The following ILDR2 variants were observed in gnomAD, a reference collection of about 807,000 sequenced individuals.
The protein encoded by ILDR2 is immunoglobulin-like domain-containing receptor 2.
In ILDR2, 25 loss-of-function variants were observed where a neutral mutation model predicts 66.8. That is an observed-to-expected ratio of 0.37 (90% CI 0.27 to 0.52). The LOEUF (loss-of-function observed/expected upper bound fraction) is 0.52, where lower values mean the gene tolerates loss of function less well. Ranked by LOEUF, ILDR2 falls within the 20% of genes least tolerant of loss-of-function variation. The pLI, the probability that ILDR2 is intolerant of heterozygous loss-of-function variation, is 0.88. For missense variants in ILDR2, 827 were observed against 876.8 expected, an observed-to-expected ratio of 0.94 and a Z score of 0.72; for synonymous variants, 367 against 357.2, an observed-to-expected ratio of 1.03 and a Z score of -0.31.
rs565748759 is a variant in ILDR2, at chr1:166,933,175, G to C, written c.880+2126C>G. On this transcript the variant is annotated intron_variant, in intron 6 of 9. Transcript: ENST00000271417. ...AAAGTAAATAGTTGTTTAGGCCTAA[G>C]AGGTGCATCTTGAGTAGTTCAAGCC... is the stretch of plus-strand genomic sequence containing the variant. Among the ~76,000 whole-genome samples the C allele has an allele frequency of 2.6e-5, 4 of 152,380 alleles. No homozygotes were observed. In the South Asian group the frequency reaches 8.3e-4, roughly 32 times the overall value.
At position 166,909,782 on chromosome 1, in the gene ILDR2, T is replaced by C. The variant is rs1370500923; in HGVS notation, c.*9573A>G. ...ATAAATATATATAAATATATATATT[T>C]ATATATATATATATATATATATATC... On this transcript the variant is annotated 3_prime_UTR_variant, in exon 10 of 10. Transcript: ENST00000271417. The C allele has an allele frequency of 5.6e-5, 1 of 17,882 alleles. No individual in the cohort carries two copies. Among genetic ancestry groups the C allele is most frequent in the Non-Finnish European group, 9.0e-5 (1 of 11,114 alleles). The allele number at this position is 17,882 out of a possible 1,614,324, so 1.1% of individuals were successfully genotyped here.
At chr1:166,899,129 C>T (rs759359606) in intron 2 of ILDR2, among the ~76,000 whole-genome samples, 7 of 151,996 alleles carry the variant, frequency 4.6e-5, no homozygotes, top group Non-Finnish European at 7.4e-5. Context: ...CAATGGCTCA[C>T]GCCTGTAATC....
intron 2 of ILDR2, among the ~76,000 whole-genome samples, chr1:166,902,218 C>T (rs1250525761): frequency 6.6e-6 from 1 of 152,204 alleles, no homozygotes; most frequent in Non-Finnish European, 1.5e-5. Context: ...CCTGGACCTC[C>T]TCTGTCTGCC....
Position 166,909,783 on chromosome 1 carries a change from ATAT to A in ILDR2, c.*9569_*9571del, listed in dbSNP as rs1557921400. ...TAAATATATATAAATATATATATTT[ATAT>A]ATATATATATATATATATATCCTTC... On this transcript the variant is annotated 3_prime_UTR_variant, in exon 10 of 10. Coordinates refer to ENST00000271417, the MANE Select transcript of ILDR2 (RefSeq NM_199351.3). 5.8e-3 allele frequency: 462 copies of A among 79,340 alleles called. 2 individuals carry two copies. The highest frequency in any genetic ancestry group is 8.4e-3 in the Non-Finnish European group (334 of 39,550). The allele number at this position is 79,340 out of a possible 1,614,324, so 4.9% of individuals were successfully genotyped here.
rs59188210 is a variant in ILDR2 at position 166,899,922 on chromosome 1, C to T, written n.172-3821G>A. On this transcript the variant is annotated intron_variant and non_coding_transcript_variant, in intron 2 of 2. Transcript: ENST00000414590. ...GGACAATGCAAGGATTGGCTCTACT[C>T]CCTTGATACTTTGAGTCATTTAAAA... Among the ~76,000 whole-genome samples, 1,048 of 152,290 alleles carry T rather than the reference C, an allele frequency of 6.9e-3. 10 individuals are homozygous for T. The highest frequency in any genetic ancestry group is 0.024 in the African/African-American group (1,006 of 41,572).
chr1:166,938,166 A>G (rs1041610538), intron 4 of ILDR2, among the ~76,000 whole-genome samples: 2 of 152,258 alleles, frequency 1.3e-5, no homozygotes, highest in Non-Finnish European at 2.9e-5. Context: ...TCGATAGCAG[A>G]AGGCTTTGGC....
In ILDR2 at chr1:166,973,718, A is replaced by G. The variant is rs76521055; in HGVS notation, c.46+1505T>C. On this transcript the variant is annotated intron_variant, in intron 1 of 9. Coordinates refer to ENST00000271417, the MANE Select transcript of ILDR2 (RefSeq NM_199351.3). ...AACCGAGAGTAGAGGCAGATTAAGGATGTGAAGAATCAGTGAGGGTGGGAG... is the reference window on the plus strand; with the variant it reads ...AACCGAGAGTAGAGGCAGATTAAGGGTGTGAAGAATCAGTGAGGGTGGGAG... 2.5e-3 allele frequency among the ~76,000 whole-genome samples: 365 copies of G among 148,598 alleles called. 1 individual carries two copies. Among genetic ancestry groups the G allele is most frequent in the African/African-American group, 8.6e-3 (348 of 40,538 alleles).
intron 6 of ILDR2, among the ~76,000 whole-genome samples, chr1:166,928,436 T>G (rs945096158): frequency 6.6e-6 from 1 of 152,234 alleles, no homozygotes; most frequent in Non-Finnish European, 1.5e-5. Flanking sequence ...GAGTAAGAAC[T>G]GCTTTAGCTA....
In ILDR2 at chr1:166,918,389, G is replaced by C. The variant is rs986655009; in HGVS notation, c.*966C>G. ...GTCCACATTCAAAATATAATGAGATGATGTTATTTCCCTTTTAAATTCCTT... is the reference window on the plus strand; with the variant it reads ...GTCCACATTCAAAATATAATGAGATCATGTTATTTCCCTTTTAAATTCCTT... On this transcript the variant is annotated 3_prime_UTR_variant, in exon 10 of 10. Coordinates refer to ENST00000271417, the MANE Select transcript of ILDR2 (RefSeq NM_199351.3). The C allele has an allele frequency of 6.6e-6, 1 of 152,228 alleles. No homozygotes were observed. Among genetic ancestry groups the C allele is most frequent in the African/African-American group, 2.4e-5 (1 of 41,462 alleles). The allele number at this position is 152,228 out of a possible 1,614,324, so 9.4% of individuals were successfully genotyped here.
chr1:166,919,967 C>T (rs912833447), intron 9 of ILDR2, among the ~76,000 whole-genome samples: 6 of 152,030 alleles, frequency 3.9e-5, no homozygotes, highest in Non-Finnish European at 7.4e-5. Context: ...CCCTTGGTAC[C>T]CCACAGCGGA....
Position 166,921,328 on chromosome 1 carries a change from C to T in ILDR2, c.1263G>A (p.Gly421=). Residue 421 remains glycine, a synonymous_variant, in exon 9 of 10, where the codon GGG becomes GGA. Coordinates refer to ENST00000271417, the MANE Select transcript of ILDR2 (RefSeq NM_199351.3). This position sits in a 1 kb window ranked among gnomAD's most constrained non-coding sequence, Gnocchi z 5.3. ...GCTCGTCCATGGAAACGGCCGGCAC[C>T]CCCGTGGCGAAGTTCTTCCGCGACA... ...EMLSRKNFAT[G]VPAVSMDELA... 1 of 1,586,786 alleles carries T rather than the reference C, an allele frequency of 6.3e-7. No homozygotes were observed. The highest frequency in any genetic ancestry group is 8.6e-7 in the Non-Finnish European group (1 of 1,163,530).
intron 1 of ILDR2, among the ~76,000 whole-genome samples, chr1:166,967,367 C>A (rs1427565306): frequency 2.6e-5 from 4 of 152,056 alleles, no homozygotes; most frequent in Non-Finnish European, 5.9e-5. Flanking sequence ...TTAGTTATAG[C>A]AGCTTAGGCT....
rs1243861984 is a variant in ILDR2, at chr1:166,910,751, G to T, written c.*8604C>A. ...AGTATGATTAGGATGTCTCTGCCAAGATTTTCTAAGAGAACCTGAAATTAG... is the reference window on the plus strand; with the variant it reads ...AGTATGATTAGGATGTCTCTGCCAATATTTTCTAAGAGAACCTGAAATTAG... On this transcript the variant is annotated 3_prime_UTR_variant, in exon 10 of 10. Transcript: ENST00000271417. 1 of 152,232 alleles carries T rather than the reference G, an allele frequency of 6.6e-6. No individual in the cohort carries two copies. Among genetic ancestry groups the T allele is most frequent in the African/African-American group, 2.4e-5 (1 of 41,464 alleles). 9.4% of individuals were successfully genotyped at this position (152,232 alleles called of 1,614,324 possible). A position where few individuals can be genotyped will look rare whatever the true frequency, so the allele number is the denominator to read the frequency against.
At chr1:166,926,052 T>C (rs940476546) in intron 7 of ILDR2, among the ~76,000 whole-genome samples, 2 of 152,218 alleles carry the variant, frequency 1.3e-5, no homozygotes, top group Admixed American at 1.3e-4. Flanking sequence ...GGTGGGAGGA[T>C]ACAGCAATGG....
chr1:166,935,522 C>A (rs1660899557), intron 5 of ILDR2, 45 bp from the exon 6 acceptor site: 1 of 1,486,998 alleles, frequency 6.7e-7, no homozygotes, highest in African/African-American at 1.4e-5. Flanking sequence ...TCGTCCCACC[C>A]TCCACAACCC....
rs867248350 is a variant in ILDR2 at position 166,909,786 on chromosome 1, T to C, written c.*9569A>G. 3.9e-5 allele frequency: 5 copies of C among 129,524 alleles called. No individual in the cohort carries two copies. Among genetic ancestry groups the C allele is most frequent in the Non-Finnish European group, 8.0e-5 (5 of 62,450 alleles). The allele number at this position is 129,524 out of a possible 1,614,324, so 8.0% of individuals were successfully genotyped here. On this transcript the variant is annotated 3_prime_UTR_variant, in exon 10 of 10. Coordinates refer to ENST00000271417, the MANE Select transcript of ILDR2 (RefSeq NM_199351.3). ...ATATATATAAATATATATATTTATA[T>C]ATATATATATATATATATATCCTTC...
Position 166,935,401 on chromosome 1 carries a change from G to C in ILDR2, c.780C>G (p.Pro260=), listed in dbSNP as rs772250260. The part of the protein sequence containing the change: ...VSGVPGPYSI[P]SVPLGGAPSS... ...AGGGGGCTCCTCCCAAAGGGACAGA[G>C]GGGATGGAGTAAGGGCCGGGGACAC... Residue 260 remains proline, a synonymous_variant, in exon 6 of 10, where the codon CCC becomes CCG. Transcript: ENST00000271417. The C allele has an allele frequency of 6.2e-7, 1 of 1,613,858 alleles. No individual in the cohort carries two copies. Among genetic ancestry groups the C allele is most frequent in the African/African-American group, 1.3e-5 (1 of 74,902 alleles).
intron 3 of ILDR2, among the ~76,000 whole-genome samples, chr1:166,950,891 G>A (rs1661939173): frequency 6.6e-6 from 1 of 152,138 alleles, no homozygotes; most frequent in Non-Finnish European, 1.5e-5. Flanking sequence ...CATTCATGGG[G>A]AAGAATCAAT....
At chr1:166,959,164 T>C (rs1662462566) in intron 1 of ILDR2, among the ~76,000 whole-genome samples, 1 of 152,258 alleles carries the variant, frequency 6.6e-6, no homozygotes, top group African/African-American at 2.4e-5. Context: ...TTTTGCATCT[T>C]TTAAAACCCA....
Sources: allele counts gnomAD v4.1 joint callset (sites outside exome capture counted in the v4.1 genomes callset), GRCh38; gene constraint gnomAD v4.1.1; non-coding constraint Gnocchi (gnomAD v3.1); transcripts MANE v1.5; gene names NCBI Gene and HGNC (gene_info 2026-07-23, HGNC 2026-07-21).